Variants in CIITA observed in about 807,000 individuals in gnomAD.
The protein encoded by CIITA is class II major histocompatibility complex transactivator.
CIITA carries 72 observed loss-of-function variants against 115.1 expected under a neutral mutation model. That is an observed-to-expected ratio of 0.63 (90% CI 0.52 to 0.76). CIITA has a LOEUF of 0.76. CIITA is among the 30% of genes least tolerant of loss of function. CIITA has a pLI of 0.00. For missense variants in CIITA, 1,617 were observed against 1,463.8 expected (o/e 1.10, Z -1.71); for synonymous variants, 763 against 635.6 (o/e 1.20, Z -3.02).
At chr16:10,937,413 A>G (rs1347032805), downstream of CIITA, 1 of 152,394 alleles carries the variant, frequency 6.6e-6, no homozygotes, top group African/African-American at 2.4e-5. The surrounding 1 kb of genome is among the most constrained non-coding windows in gnomAD (Gnocchi z 4.2). Context: ...TTCTGCTGAT[A>G]GCACAGGCCA....
upstream of CIITA, among the ~76,000 whole-genome samples, chr16:10,876,694 T>C (rs2035870539): frequency 1.3e-5 from 2 of 152,254 alleles, no homozygotes; most frequent in African/African-American, 4.8e-5. Context: ...GTATAATTTA[T>C]GTTTTAGTCC....
At chr16:10,939,100 C>G (rs1346448909), downstream of CIITA, 1 of 152,166 alleles carries the variant, frequency 6.6e-6, no homozygotes, top group African/African-American at 2.4e-5. This position sits in a 1 kb window ranked among gnomAD's most constrained non-coding sequence, Gnocchi z 4.9. Context: ...AGTGCATATG[C>G]AAAGGGCCTA....
In CIITA at chr16:10,906,692, G is replaced by A; in HGVS notation, c.1200G>A (p.Val400=). ...RQLAQGGLAE[V]LLAAKEHRRP... is the part of the protein sequence containing the mutation. ...TGGCCCAAGGAGGCCTGGCTGAGGT[G>A]CTGTTGGCTGCCAAGGAGCACCGGC... Residue 400 remains valine (V), a synonymous_variant, in exon 11 of 20, where the codon GTG becomes GTA. Coordinates refer to ENST00000324288, the MANE Select transcript of CIITA (RefSeq NM_000246.4). 6.2e-7 allele frequency: 1 copy of A among 1,612,854 alleles called. No individual in the cohort carries two copies.
chr16:10,922,555 C>T lies in CIITA; in HGVS notation c.3317+65C>T. 3.3e-6 allele frequency: 5 copies of T among 1,527,712 alleles called. No individual in the cohort carries two copies. The East Asian group carries it at 9.1e-5, about 28-fold the overall frequency. 94.6% of individuals were successfully genotyped at this position (1,527,712 alleles called of 1,614,324 possible). ...TCCCCAGGCGTGTGGCCCAGTGTGA[C>T]CCCGGAGCTCAAATCATGCTCTTCC... On this transcript the variant is annotated intron_variant, in intron 18 of 19. Transcript: ENST00000324288.
In CIITA at chr16:10,910,218, G is replaced by A; in HGVS notation, c.2847G>A (p.Gly949=). 6.2e-7 allele frequency: 1 copy of A among 1,614,116 alleles called. No homozygotes were observed. The highest frequency in any genetic ancestry group is 8.5e-7 in the Non-Finnish European group (1 of 1,180,000). ...GAAGTTCCTCGGAAGACACAGCTGG[G>A]GAGCTCCCTGCTGTTCGGGACCTAA... ...RTRSSSEDTA[G]ELPAVRDLKK... The change falls in exon 13 of 20, where the codon GGG becomes GGA. Residue 949 remains glycine, a synonymous_variant. Transcript: ENST00000324288.
chr16:10,901,850 T>C lies in CIITA; in HGVS notation c.482-188T>C. On this transcript the variant is annotated intron_variant, in intron 6 of 19. Transcript: ENST00000324288. The surrounding 1 kb of genome is among the most constrained non-coding windows in gnomAD (Gnocchi z 6.8). ...GCTCAGCATAGCTCTCAGAGCCAAG[T>C]CACAAGGAGAGGACTGGGGGACTGC... The C allele has an allele frequency of 1.2e-6, 1 of 861,878 alleles. No homozygotes were observed. The highest frequency in any genetic ancestry group is 1.9e-6 in the Non-Finnish European group (1 of 535,182). 53.4% of individuals were successfully genotyped at this position (861,878 alleles called of 1,614,324 possible).
At chr16:10,890,340 G>A (rs1421374786) in intron 1 of CIITA, among the ~76,000 whole-genome samples, 1 of 151,814 alleles carries the variant, frequency 6.6e-6, no homozygotes, top group African/African-American at 2.4e-5. Flanking sequence ...CTGGAGTGCA[G>A]TGGTGCAATC....
chr16:10,895,667 A>G lies in CIITA; in HGVS notation c.200-2A>G. On this transcript the variant is annotated splice_acceptor_variant, in intron 2 of 19. Transcript: ENST00000324288. LOFTEE classifies it high-confidence loss of function. ...CTTCATCCAAGGGACTTTTCCTCCC[A>G]GAACCCGACACAGACACCATCAACT... The G allele has an allele frequency of 6.2e-7, 1 of 1,614,198 alleles. No individual in the cohort carries two copies. The highest frequency in any genetic ancestry group is 1.1e-5 in the South Asian group (1 of 91,084).
At chr16:10,922,776 A>G (rs113344997) in intron 18 of CIITA, 15 of 543,080 alleles carry the variant, frequency 2.8e-5, no homozygotes, top group African/African-American at 1.3e-4. Context: ...AGGCTGAACC[A>G]TATGAAATTG....
downstream of CIITA, chr16:10,941,152 G>A (rs1289224046): frequency 1.3e-5 from 2 of 152,940 alleles, no homozygotes; most frequent in East Asian, 1.9e-4. The surrounding 1 kb of genome is among the most constrained non-coding windows in gnomAD (Gnocchi z 6.4). Flanking sequence ...GGCTCCCTGT[G>A]TCTTCTGACA....
chr16:10,893,804 TAAAA>T lies in CIITA; in HGVS notation c.53-1451_53-1448del, dbSNP rs71136603. ...AGCCTGGGTGACAGAGACTCCGTCT[TAAAA>T]AAAAAAAAAAAAAAAAAAAAAAAAA... On this transcript the variant is annotated intron_variant, in intron 1 of 19. Coordinates refer to ENST00000324288, the MANE Select transcript of CIITA (RefSeq NM_000246.4). Among the ~76,000 whole-genome samples the T allele has an allele frequency of 9.5e-3, 305 of 32,146 alleles. 1 individual carries two copies. Among genetic ancestry groups the T allele is most frequent in the Admixed American group, 0.012 (19 of 1,618 alleles). The allele number at this position is 32,146 out of a possible 152,430, so 21.1% of individuals were successfully genotyped here. A position where few individuals can be genotyped will look rare whatever the true frequency, so the allele number is the denominator to read the frequency against.
In CIITA at chr16:10,879,190, G is replaced by C. The variant is rs2036151234; in HGVS notation, c.52+1808G>C. ...AAAATGTAGGGCCGGGAAACACCTC[G>C]TTTCCAGCATCCCCGCAACGACTCT... is the stretch of plus-strand genomic sequence containing the variant. On this transcript the variant is annotated intron_variant, in intron 1 of 19. Coordinates refer to ENST00000324288, the MANE Select transcript of CIITA (RefSeq NM_000246.4). This position sits in a 1 kb window ranked among gnomAD's most constrained non-coding sequence, Gnocchi z 4.3. The C allele has an allele frequency of 5.6e-6, 1 of 177,628 alleles. No homozygotes were observed. The highest frequency in any genetic ancestry group is 9.4e-5 in the East Asian group (1 of 10,610). The allele number at this position is 177,628 out of a possible 1,614,324, so 11.0% of individuals were successfully genotyped here.
In CIITA at chr16:10,902,772, C is replaced by G. The variant is rs1291110705; in HGVS notation, c.743C>G (p.Thr248Arg). The G allele has an allele frequency of 6.2e-7, 1 of 1,614,220 alleles. No homozygotes were observed. The highest frequency in any genetic ancestry group is 1.7e-5 in the Admixed American group (1 of 60,028). Reference protein sequence around the residue: ...HGLWQISEAGTGVSSIFIYHG... With the variant: ...HGLWQISEAGRGVSSIFIYHG... ...CTCTGGCAAATCTCTGAGGCTGGAACAGGGGTCTCCAGTATATTCATCTAC... is the reference window on the plus strand; with the variant it reads ...CTCTGGCAAATCTCTGAGGCTGGAAGAGGGGTCTCCAGTATATTCATCTAC... The change falls in exon 8 of 20, where the codon ACA becomes AGA. Residue 248 changes from threonine to arginine, a missense_variant. Coordinates refer to ENST00000324288, the MANE Select transcript of CIITA (RefSeq NM_000246.4).
At chr16:10,906,302 G>C (rs769766438) in intron 10 of CIITA, among the ~76,000 whole-genome samples, 197 bp from the exon 11 acceptor site, 1 of 152,240 alleles carries the variant, frequency 6.6e-6, no homozygotes, top group African/African-American at 2.4e-5. Flanking sequence ...TGAGGTTGCA[G>C]CGAGCTGTGA....
rs561782641 is a variant in CIITA at position 10,897,940 on chromosome 16, G to A, written c.296-730G>A. ...TCCCCAGCATGAAACTTCTACCACCGTCACCTATCTCTCAGGGTTTCCTAA... is the reference window on the plus strand; with the variant it reads ...TCCCCAGCATGAAACTTCTACCACCATCACCTATCTCTCAGGGTTTCCTAA... On this transcript the variant is annotated intron_variant, in intron 3 of 19. Transcript: ENST00000324288. Among the ~76,000 whole-genome samples, 17 of 152,006 alleles carry A rather than the reference G, an allele frequency of 1.1e-4. No homozygotes were observed. In the South Asian group the frequency reaches 2.9e-3, roughly 26 times the overall value.
downstream of CIITA, chr16:10,940,934 A>T (rs1457073109): frequency 1.3e-5 from 2 of 152,106 alleles, no homozygotes; most frequent in Non-Finnish European, 2.9e-5. The surrounding 1 kb of genome is among the most constrained non-coding windows in gnomAD (Gnocchi z 4.2). Flanking sequence ...AGCCTACAAA[A>T]CTGGCAGCCC....
intron 1 of CIITA, among the ~76,000 whole-genome samples, chr16:10,889,633 C>T (rs1312277436): frequency 1.3e-5 from 2 of 152,028 alleles, no homozygotes; most frequent in Non-Finnish European, 2.9e-5. Context: ...GATTCTCCTG[C>T]CTCAGCCTCC....
chr16:10,910,550 G>GA (rs2039490253), intron 13 of CIITA, among the ~76,000 whole-genome samples: 2 of 152,224 alleles, frequency 1.3e-5, no homozygotes, highest in Non-Finnish European at 2.9e-5. Context: ...CTCATGAGCT[G>GA]ACAGTCTAAT....
At chr16:10,940,023 C>G (rs2041080012), downstream of CIITA, 1 of 152,274 alleles carries the variant, frequency 6.6e-6, no homozygotes, top group African/African-American at 2.4e-5. This position sits in a 1 kb window ranked among gnomAD's most constrained non-coding sequence, Gnocchi z 4.2. Context: ...CACACTCCCC[C>G]TGGCACTTGG....
Sources: allele counts gnomAD v4.1 joint callset (sites outside exome capture counted in the v4.1 genomes callset), GRCh38; gene constraint gnomAD v4.1.1; non-coding constraint Gnocchi (gnomAD v3.1); transcripts MANE v1.5; gene names NCBI Gene and HGNC (gene_info 2026-07-23, HGNC 2026-07-21).